Variants in PRUNE2 observed in about 807,000 individuals in gnomAD.
The protein encoded by PRUNE2 is prune homolog 2 with BCH domain.
PRUNE2 carries 164 observed loss-of-function variants against 252.0 expected under a neutral mutation model. That is an observed-to-expected ratio of 0.65 (90% CI 0.57 to 0.74). PRUNE2 has a LOEUF of 0.74. PRUNE2 is among the 30% of genes least tolerant of loss of function. PRUNE2 has a pLI of 0.00. For missense variants in PRUNE2, 3,495 were observed against 3,711.0 expected, an observed-to-expected ratio of 0.94 and a Z score of 1.51; for synonymous variants, 1,292 against 1,350.2, an observed-to-expected ratio of 0.96 and a Z score of 0.94.
At chr9:76,807,021 T>TGTGTGTGC (rs1491204218) in intron 6 of PRUNE2, among the ~76,000 whole-genome samples, 1 of 60,020 alleles carries the variant, frequency 1.7e-5, no homozygotes, top group African/African-American at 2.2e-4. Flanking sequence ...CCTCATACAA[T>TGTGTGTGC]GTGTGTGTGT....
chr9:76,905,899 A>G (rs554821820), intron 1 of PRUNE2, 29 bp downstream of exon 1: 17 of 1,613,554 alleles, frequency 1.1e-5, no homozygotes, highest in East Asian at 4.5e-5. Context: ...GCGCGCGCGC[A>G]CACACACAGC....
Position 76,688,052 on chromosome 9 carries a change from T to A in PRUNE2, c.8276+15285A>T, listed in dbSNP as rs2044287594. ...CCCACAATCAAGACTCATTCTGTTC[T>A]TGCAACCTATGAGTCAGAATCTCCT... On this transcript the variant is annotated intron_variant, in intron 9 of 18. Transcript: ENST00000376718. Among the ~76,000 whole-genome samples, 3 of 152,254 alleles carry A rather than the reference T, an allele frequency of 2.0e-5. No homozygotes were observed. In the South Asian group the frequency reaches 6.2e-4, roughly 31 times the overall value.
At chr9:76,855,082 A>AATATATATATATATATATATAT (rs1162386020) in intron 1 of PRUNE2, among the ~76,000 whole-genome samples, 1 of 109,400 alleles carries the variant, frequency 9.1e-6, no homozygotes, top group African/African-American at 3.9e-5. Flanking sequence ...AAAAAAAAAA[A>AATATATATATATATATATATAT]ATATATATAT....
chr9:76,802,695 G>A (rs374128480), intron 6 of PRUNE2, among the ~76,000 whole-genome samples: 3 of 151,896 alleles, frequency 2.0e-5, no homozygotes, highest in Admixed American at 6.6e-5. Context: ...TCAAAAGTTC[G>A]AACTTACAAA....
At chr9:76,783,163 G>T (rs1033020161) in intron 6 of PRUNE2, among the ~76,000 whole-genome samples, 2 of 152,178 alleles carry the variant, frequency 1.3e-5, no homozygotes, top group Non-Finnish European at 2.9e-5. Flanking sequence ...TGGAAACAGA[G>T]TTCCACTCTG....
At chr9:76,649,766 T>C (rs369819077) in intron 11 of PRUNE2, among the ~76,000 whole-genome samples, 5 of 152,076 alleles carry the variant, frequency 3.3e-5, no homozygotes, top group South Asian at 4.1e-4. Context: ...TTAAAGAAAA[T>C]TGCTTGAAAG....
At chr9:76,804,840 ACTT>A (rs771581406) in intron 6 of PRUNE2, among the ~76,000 whole-genome samples, 4 of 151,812 alleles carry the variant, frequency 2.6e-5, no homozygotes, top group Admixed American at 1.3e-4. Context: ...TTTTTTGAAA[ACTT>A]CTCTCTTCCT....
intron 17 of PRUNE2, among the ~76,000 whole-genome samples, chr9:76,623,298 A>ATT (rs756782306): frequency 0.098 from 14,147 of 144,084 alleles, 775 homozygotes; most frequent in Non-Finnish European, 0.11. Flanking sequence ...GAATGACTGG[A>ATT]TTTTTTTTTT....
chr9:76,825,817 T>C (rs1232680081), intron 5 of PRUNE2, among the ~76,000 whole-genome samples: 1 of 152,184 alleles, frequency 6.6e-6, no homozygotes, highest in African/African-American at 2.4e-5. Context: ...TAGCCTTTTG[T>C]TATTGTAAAA....
intron 6 of PRUNE2, among the ~76,000 whole-genome samples, chr9:76,783,318 G>A (rs1295913184): frequency 6.6e-6 from 1 of 152,092 alleles, no homozygotes; most frequent in African/African-American, 2.4e-5. Context: ...TGTATTTTTA[G>A]TAGAGATGGG....
chr9:76,706,061 C>G lies in PRUNE2; in HGVS notation c.6213G>C (p.Trp2071Cys). ...AACTGAAGGGCTTCTTAGCATCTAT[C>G]CACAAGTCAGGCGCGGCAGAGGCCA... ...GQLASAAPDL[W>C]IDAKKPFSLK... is the part of the protein sequence containing the mutation. The change falls in exon 8 of 19, where the codon TGG becomes TGC. Residue 2071 changes from tryptophan to cysteine, a missense_variant. Coordinates refer to ENST00000376718, the MANE Select transcript of PRUNE2 (RefSeq NM_015225.3). 6.2e-7 allele frequency: 1 copy of G among 1,614,032 alleles called. No homozygotes were observed.
chr9:76,716,637 A>AT (rs1040482865), intron 6 of PRUNE2, among the ~76,000 whole-genome samples: 42 of 149,622 alleles, frequency 2.8e-4, no homozygotes, highest in South Asian at 1.1e-3. Context: ...CTTTTTCTTT[A>AT]TTTTTTTTTC....
At chr9:76,725,298 CTG>C (rs1318267355) in intron 6 of PRUNE2, among the ~76,000 whole-genome samples, 4 of 152,224 alleles carry the variant, frequency 2.6e-5, no homozygotes, top group African/African-American at 4.8e-5. Context: ...GAAGATCAAA[CTG>C]TCTCTTTTGT....
chr9:76,627,773 C>G, intron 16 of PRUNE2: 1 of 274,676 alleles, frequency 3.6e-6, no homozygotes, highest in Admixed American at 4.8e-5. Context: ...TCCGTTCCAT[C>G]TCTTCCTGGT....
In PRUNE2 at chr9:76,652,653, G is replaced by A. The variant is rs975027005; in HGVS notation, c.8387C>T (p.Thr2796Ile). 66 of 1,612,302 alleles carry A rather than the reference G, an allele frequency of 4.1e-5. No homozygotes were observed. Among genetic ancestry groups the A allele is most frequent in the Non-Finnish European group, 5.4e-5 (64 of 1,178,630 alleles). ...TGTGAGCTTGATTCTCCGAGGATGA[G>A]TGTCATTAAGATCCAGAGAATTAGG... is the stretch of plus-strand genomic sequence containing the variant. ...EPPNSLDLNDTHPRRIKLTAP... is the reference protein window; with the variant it reads ...EPPNSLDLNDIHPRRIKLTAP... Residue 2796 changes from threonine to isoleucine, a missense_variant, in exon 11 of 19, where the codon ACT becomes ATT. Coordinates refer to ENST00000376718, the MANE Select transcript of PRUNE2 (RefSeq NM_015225.3).
At chr9:76,652,247 T>C (rs1213823166) in intron 11 of PRUNE2, 2 of 405,300 alleles carry the variant, frequency 4.9e-6, no homozygotes, top group East Asian at 3.6e-5. Flanking sequence ...GTGCCTAGCA[T>C]AAATGCTAGC....
Position 76,705,126 on chromosome 9 carries a change from T to C in PRUNE2, c.7148A>G (p.Asp2383Gly). ...CGGTGCCAGCGACTGCTTCAGAGAA[T>C]CTTCCTCCAAAGGAGGGTCACCACC... ...LYGGDPPLEE[D>G]SLKQSLAPYT... The change falls in exon 8 of 19, where the codon GAT (aspartate) becomes GGT (glycine). Residue 2383 changes from aspartate to glycine, a missense_variant. Coordinates refer to ENST00000376718, the MANE Select transcript of PRUNE2 (RefSeq NM_015225.3). The C allele has an allele frequency of 2.5e-6, 4 of 1,613,956 alleles. No individual in the cohort carries two copies. The highest frequency in any genetic ancestry group is 3.4e-6 in the Non-Finnish European group (4 of 1,179,888).
rs1305997396 is a variant in PRUNE2, at chr9:76,616,022, C to T, written c.9237-1422G>A. Among the ~76,000 whole-genome samples the T allele has an allele frequency of 2.6e-5, 4 of 151,522 alleles. No homozygotes were observed. In the Admixed American group the frequency reaches 2.6e-4, roughly 10 times the overall value. On this transcript the variant is annotated intron_variant, in intron 18 of 18. Coordinates refer to ENST00000376718, the MANE Select transcript of PRUNE2 (RefSeq NM_015225.3). The stretch of plus-strand genomic sequence containing the variant: ...TGACCTCGTGATCCGCCCACTTCAG[C>T]CTCCCAAAGTGCTGGGATTACAGGC...
intron 5 of PRUNE2, among the ~76,000 whole-genome samples, chr9:76,825,679 C>G (rs368411179): frequency 6.6e-6 from 1 of 152,194 alleles, no homozygotes; most frequent in South Asian, 2.1e-4. Flanking sequence ...ACTTCAGTGT[C>G]CTCCCTCACC....
Sources: gnomAD v4.1 joint callset for allele counts (sites outside exome capture counted in the v4.1 genomes callset) on GRCh38, gnomAD v4.1.1 for gene constraint, MANE v1.5 for transcripts, NCBI Gene and HGNC (gene_info 2026-07-23, HGNC 2026-07-21) for gene names.